The following DLX3 variants were observed in gnomAD, a reference collection of about 807,000 sequenced individuals.
The protein encoded by DLX3 is homeobox protein DLX-3.
A neutral mutation model predicts 28.0 loss-of-function variants in DLX3; 9 were observed. That is an observed-to-expected ratio of 0.32 (90% CI 0.19 to 0.56). DLX3 has a LOEUF of 0.56. Ranked by LOEUF, DLX3 falls within the 20% of genes least tolerant of loss-of-function variation. The probability of loss-of-function intolerance (pLI) is 0.91; values close to 1 mark genes in which losing one functional copy is unlikely to be tolerated. For missense variants in DLX3, 313 were observed against 378.2 expected (o/e 0.83, Z 1.43); for synonymous variants, 154 against 167.9 (o/e 0.92, Z 0.64).
Position 49,991,745 on chromosome 17 carries a change from T to C in DLX3, c.636A>G (p.Ser212=), listed in dbSNP as rs759832786. 15 of 1,612,772 alleles carry C rather than the reference T, an allele frequency of 9.3e-6. No homozygotes were observed. In the South Asian group the frequency reaches 1.6e-4, roughly 18 times the overall value. ...GGGAAGAGGTGTCCCAGAGGGCGGG[T>C]GATGGTGGTGAGTTGCAGGCCATGG... ...SDSMACNSPP[S]PALWDTSSHS... is the part of the protein sequence containing the mutation. The change falls in exon 3 of 3, where the codon TCA becomes TCG. Residue 212 remains serine, a synonymous_variant. Coordinates refer to ENST00000434704, the MANE Select transcript of DLX3 (RefSeq NM_005220.3).
chr17:49,991,661 G>C lies in DLX3; in HGVS notation c.720C>G (p.Ser240=). ...QLPPPLPYSA[S]PSYLDDPTNS... ...TGGTGGGGTCGTCCAGGTAGCTGGGGGAGGCACTGTATGGGAGCGGCGGGG... is the reference window on the plus strand; with the variant it reads ...TGGTGGGGTCGTCCAGGTAGCTGGGCGAGGCACTGTATGGGAGCGGCGGGG... Residue 240 remains serine, a synonymous_variant, in exon 3 of 3, where the codon TCC becomes TCG. Transcript: ENST00000434704. 1 of 1,613,986 alleles carries C rather than the reference G, an allele frequency of 6.2e-7. No individual in the cohort carries two copies. The highest frequency in any genetic ancestry group is 8.5e-7 in the Non-Finnish European group (1 of 1,179,992).
Position 49,994,759 on chromosome 17 carries a change from G to A in DLX3, c.240C>T (p.Tyr80=). 1 of 1,614,228 alleles carries A rather than the reference G, an allele frequency of 6.2e-7. No individual in the cohort carries two copies. The highest frequency in any genetic ancestry group is 8.5e-7 in the Non-Finnish European group (1 of 1,180,042). ...CGTAGGTATATTCCGACTTGGGCGAGTAAGCGCCCGTGCCTGCAAGCCCAT... is the reference window on the plus strand; with the variant it reads ...CGTAGGTATATTCCGACTTGGGCGAATAAGCGCCCGTGCCTGCAAGCCCAT... ...NLNGLAGTGA[Y]SPKSEYTYGA... is the part of the protein sequence containing the mutation. Residue 80 remains tyrosine (Y), a synonymous_variant, in exon 1 of 3, where the codon TAC becomes TAT. Coordinates refer to ENST00000434704, the MANE Select transcript of DLX3 (RefSeq NM_005220.3).
At chr17:49,994,335 C>A (rs1906204936) in intron 1 of DLX3, among the ~76,000 whole-genome samples, 1 of 152,070 alleles carries the variant, frequency 6.6e-6, no homozygotes, top group South Asian at 2.1e-4. Flanking sequence ...TACCCCCAAG[C>A]CCTCTGCGAC....
Position 49,991,279 on chromosome 17 carries a change from T to G in DLX3, c.*238A>C. The stretch of plus-strand genomic sequence containing the variant: ...AATGGCTGTCCCCACTGGGGTGGAA[T>G]GTCCCCACATCTGGAGGGGTACCCC... On this transcript the variant is annotated 3_prime_UTR_variant, in exon 3 of 3. Transcript: ENST00000434704. 1.9e-6 allele frequency: 1 copy of G among 517,088 alleles called. No individual in the cohort carries two copies. Among genetic ancestry groups the G allele is most frequent in the Non-Finnish European group, 3.4e-6 (1 of 295,760 alleles). 32.0% of individuals were successfully genotyped at this position (517,088 alleles called of 1,614,324 possible).
In DLX3 at chr17:49,990,403, G is replaced by A. The variant is rs909440249; in HGVS notation, c.*1114C>T. ...TCAGGGGTGGGGGAAAGTTAGCTTT[G>A]GTGGGATGTCTGGGTCAGGGAGGGG... On this transcript the variant is annotated 3_prime_UTR_variant, in exon 3 of 3. Transcript: ENST00000434704. 6.9e-6 allele frequency: 1 copy of A among 145,728 alleles called. No individual in the cohort carries two copies. The highest frequency in any genetic ancestry group is 1.5e-5 in the Non-Finnish European group (1 of 66,654). 9.0% of individuals were successfully genotyped at this position (145,728 alleles called of 1,614,324 possible).
At chr17:49,992,946 GCA>G (rs1380135795) in intron 2 of DLX3, among the ~76,000 whole-genome samples, 2 of 152,146 alleles carry the variant, frequency 1.3e-5, no homozygotes, top group Admixed American at 6.5e-5. Context: ...CATTCAGGGC[GCA>G]CAGTCACACA....
Position 49,993,521 on chromosome 17 carries a change from G to C in DLX3, c.395C>G (p.Pro132Arg). The change falls in exon 2 of 3, where the codon CCG (proline) becomes CGG (arginine). Residue 132 changes from proline (P) to arginine (R), a missense_variant. Transcript: ENST00000434704. ...VNGKPKKVRK[P>R]RTIYSSYQLA... ...CTGGTAGCTGGAGTAGATCGTACGC[G>C]GCTTTCGGACCTTCTTGGGCTTCCC... is the stretch of plus-strand genomic sequence containing the variant. 2 of 1,613,682 alleles carry C rather than the reference G, an allele frequency of 1.2e-6. No homozygotes were observed. Among genetic ancestry groups the C allele is most frequent in the Non-Finnish European group, 1.7e-6 (2 of 1,179,730 alleles).
Position 49,993,602 on chromosome 17 carries a change from G to A in DLX3, c.326-12C>T, listed in dbSNP as rs757014934. The A allele has an allele frequency of 5.0e-6, 8 of 1,612,220 alleles. No homozygotes were observed. The highest frequency in any genetic ancestry group is 6.8e-6 in the Non-Finnish European group (8 of 1,179,352). On this transcript the variant is annotated splice_polypyrimidine_tract_variant and intron_variant, in intron 1 of 2. Coordinates refer to ENST00000434704, the MANE Select transcript of DLX3 (RefSeq NM_005220.3). ...CTCCTTCACCGACACTGCGGGGAAC[G>A]CACCGGGCGGAAGAGGGGGCGGTTC...
At position 49,991,972 on chromosome 17, in the gene DLX3, G is replaced by A; in HGVS notation, c.517-108C>T. On this transcript the variant is annotated intron_variant, in intron 2 of 2. Coordinates refer to ENST00000434704, the MANE Select transcript of DLX3 (RefSeq NM_005220.3). ...AAGGCCAGAACCCAATTTCACATAA[G>A]AATCAGGCAAAAAACAGGCCTCCTG... The A allele has an allele frequency of 1.8e-5, 21 of 1,139,528 alleles. No individual in the cohort carries two copies. The Admixed American group carries it at 2.1e-4, about 11-fold the overall frequency. 70.6% of individuals were successfully genotyped at this position (1,139,528 alleles called of 1,614,324 possible).
Position 49,991,113 on chromosome 17 carries a change from C to T in DLX3, c.*404G>A. 1 of 183,322 alleles carries T rather than the reference C, an allele frequency of 5.5e-6. No individual in the cohort carries two copies. The highest frequency in any genetic ancestry group is 1.2e-5 in the Non-Finnish European group (1 of 86,754). 11.4% of individuals were successfully genotyped at this position (183,322 alleles called of 1,614,324 possible). A position where few individuals can be genotyped will look rare whatever the true frequency, so the allele number is the denominator to read the frequency against. On this transcript the variant is annotated 3_prime_UTR_variant, in exon 3 of 3. Coordinates refer to ENST00000434704, the MANE Select transcript of DLX3 (RefSeq NM_005220.3). The stretch of plus-strand genomic sequence containing the variant: ...GTTTTAAGATCCACGGTGCCAGGTG[C>T]CCCAGCACAGGCAGGACCCGCAAAC...
Position 49,993,596 on chromosome 17 carries a change from G to T in DLX3, c.326-6C>A, listed in dbSNP as rs753495452. The T allele has an allele frequency of 1.2e-6, 2 of 1,612,950 alleles. No homozygotes were observed. The highest frequency in any genetic ancestry group is 8.5e-7 in the Non-Finnish European group (1 of 1,179,522). On this transcript the variant is annotated splice_region_variant and splice_polypyrimidine_tract_variant and intron_variant, in intron 1 of 2. Transcript: ENST00000434704. ...CGGCTCCTCCTTCACCGACACTGCG[G>T]GGAACGCACCGGGCGGAAGAGGGGG...
chr17:49,991,519 A>G lies in DLX3; in HGVS notation c.862T>C (p.Ter288ArgextTer22). 6.2e-7 allele frequency: 1 copy of G among 1,601,194 alleles called. No homozygotes were observed. The highest frequency in any genetic ancestry group is 8.5e-7 in the Non-Finnish European group (1 of 1,177,740). ...AAGGGTGCAGGCCAGATGGGTGCTC[A>G]GTACACAGCCCCAGGGTTGGGCGGG... The part of the protein sequence containing the change: ...GPPPNPGAVY[*>R] Residue 288 changes from the stop codon to arginine (R), a stop_lost, in exon 3 of 3, where the codon TGA becomes CGA. Coordinates refer to ENST00000434704, the MANE Select transcript of DLX3 (RefSeq NM_005220.3).
rs770122605 is a variant in DLX3, at chr17:49,993,576, C to T, written c.340G>A (p.Glu114Lys). Residue 114 changes from glutamate (E) to lysine (K), a missense_variant, in exon 2 of 3, where the codon GAG (glutamate) becomes AAG (lysine). Physicochemically the swap from Glu to Lys is moderately conservative, Grantham distance 56 (BLOSUM62 1). Transcript: ENST00000434704. ...PAQDPVSVKE[E>K]PEAEVRMVNG... is the part of the protein sequence containing the mutation. ...ACCATGCGCACCTCTGCTTCCGGCT[C>T]CTCCTTCACCGACACTGCGGGGAAC... The T allele has an allele frequency of 1.2e-6, 2 of 1,613,582 alleles. No homozygotes were observed. The highest frequency in any genetic ancestry group is 2.2e-5 in the South Asian group (2 of 91,074).
At chr17:49,994,257 C>T (rs1906202544) in intron 1 of DLX3, among the ~76,000 whole-genome samples, 1 of 151,972 alleles carries the variant, frequency 6.6e-6, no homozygotes, top group South Asian at 2.1e-4. Context: ...TCATTGCCCC[C>T]TCACGACTCC....
chr17:49,991,811 G>A lies in DLX3; in HGVS notation c.570C>T (p.Asn190=), dbSNP rs201254632. The A allele has an allele frequency of 2.9e-5, 47 of 1,614,120 alleles. 2 individuals carry two copies. In the Middle Eastern group the frequency reaches 1.3e-3, roughly 45 times the overall value. The change falls in exon 3 of 3, where the codon AAC becomes AAT. Residue 190 remains asparagine, a synonymous_variant. Transcript: ENST00000434704. ...GACTGTGCTCCAGCGGCACCTCCCCGTTCTTGTAGAGTTTCTTGAACTTGG... is the reference window on the plus strand; with the variant it reads ...GACTGTGCTCCAGCGGCACCTCCCCATTCTTGTAGAGTTTCTTGAACTTGG... ...RRSKFKKLYK[N]GEVPLEHSPN...
In DLX3 at chr17:49,993,256, G is replaced by T. The variant is rs987066002; in HGVS notation, c.516+144C>A. The stretch of plus-strand genomic sequence containing the variant: ...CGTGCTAACGCAGAACCTTCCCACC[G>T]AAGTTGAACCTCGCAGGCCCCCATC... On this transcript the variant is annotated intron_variant, in intron 2 of 2. Coordinates refer to ENST00000434704, the MANE Select transcript of DLX3 (RefSeq NM_005220.3). 16 of 794,472 alleles carry T rather than the reference G, an allele frequency of 2.0e-5. 1 individual carries two copies. The African/African-American group carries it at 2.6e-4, about 13-fold the overall frequency. 49.2% of individuals were successfully genotyped at this position (794,472 alleles called of 1,614,324 possible). A position where few individuals can be genotyped will look rare whatever the true frequency, so the allele number is the denominator to read the frequency against.
At position 49,993,654 on chromosome 17, in the gene DLX3, C is replaced by A. The variant is rs572473129; in HGVS notation, c.326-64G>T. The A allele has an allele frequency of 2.4e-5, 38 of 1,559,278 alleles. No homozygotes were observed. In the African/African-American group the frequency reaches 4.2e-4, roughly 17 times the overall value. On this transcript the variant is annotated intron_variant, in intron 1 of 2. Transcript: ENST00000434704. The stretch of plus-strand genomic sequence containing the variant: ...GCCTCGGCCTGCGACTCCTGCGACC[C>A]TCCAGGGCCCCGCCGGACGCCCCTC...
intron 2 of DLX3, among the ~76,000 whole-genome samples, chr17:49,992,689 C>A (rs1906133954): frequency 2.0e-5 from 3 of 152,188 alleles, no homozygotes; most frequent in Non-Finnish European, 4.4e-5. Context: ...CACGCAGCCA[C>A]AGCCACAACC....
In DLX3 at chr17:49,990,971, T is replaced by G. The variant is rs1219467993; in HGVS notation, c.*546A>C. 2 of 155,216 alleles carry G rather than the reference T, an allele frequency of 1.3e-5. No individual in the cohort carries two copies. The highest frequency in any genetic ancestry group is 1.9e-4 in the East Asian group (1 of 5,184). The allele number at this position is 155,216 out of a possible 1,614,324, so 9.6% of individuals were successfully genotyped here. ...AATGAGGGCTAGAAGTGCAGGGCGG[T>G]GACCAGTTCAGGTCCCCACCCGGAG... On this transcript the variant is annotated 3_prime_UTR_variant, in exon 3 of 3. Coordinates refer to ENST00000434704, the MANE Select transcript of DLX3 (RefSeq NM_005220.3).
Sources: gnomAD v4.1 joint callset for allele counts (sites outside exome capture counted in the v4.1 genomes callset) on GRCh38, gnomAD v4.1.1 for gene constraint, MANE v1.5 for transcripts, NCBI Gene and HGNC (gene_info 2026-07-23, HGNC 2026-07-21) for gene names.